The following DIAPH3 variants were observed in gnomAD, a reference collection of about 807,000 sequenced individuals.
DIAPH3 encodes the protein diaphanous related formin 3, also known as protein diaphanous homolog 3.
Under a neutral mutation model 144.3 loss-of-function variants are expected in DIAPH3, and 117 were observed. The observed-to-expected ratio is 0.81, with a 90% CI of 0.70 to 0.95. DIAPH3 has a LOEUF of 0.95. Among genes scored for constraint, DIAPH3 ranks in the 40% least tolerant of loss-of-function variants. The pLI is 0.00. For synonymous variants in DIAPH3, 519 were observed against 488.9 expected, an observed-to-expected ratio of 1.06 and a Z score of -0.81; for missense variants, 1,421 against 1,412.7, an observed-to-expected ratio of 1.01 and a Z score of -0.09.
intron 27 of DIAPH3, among the ~76,000 whole-genome samples, chr13:59,692,612 T>A (rs1046670176): frequency 1.3e-5 from 2 of 152,112 alleles, no homozygotes; most frequent in African/African-American, 4.8e-5. Context: ...AGGCCCAGAA[T>A]GGTCAAAAGA....
At chr13:59,733,316 C>T (rs567309525) in intron 27 of DIAPH3, among the ~76,000 whole-genome samples, 1 of 152,154 alleles carries the variant, frequency 6.6e-6, no homozygotes, top group Admixed American at 6.5e-5. Flanking sequence ...CATTTCTTTT[C>T]CTCAAAACAA....
At chr13:60,150,058 G>T (rs1951713758) in intron 1 of DIAPH3, among the ~76,000 whole-genome samples, 1 of 152,166 alleles carries the variant, frequency 6.6e-6, no homozygotes, top group Non-Finnish European at 1.5e-5. Flanking sequence ...ATCCCGCTCT[G>T]TTTCCCAGAC....
intron 20 of DIAPH3, among the ~76,000 whole-genome samples, chr13:59,909,246 C>T (rs1333997983): frequency 3.3e-5 from 5 of 151,850 alleles, no homozygotes; most frequent in Non-Finnish European, 5.9e-5. Flanking sequence ...GAAAACACAT[C>T]ATTCTTTAGT....
chr13:59,994,161 A>C (rs928361237), intron 9 of DIAPH3, among the ~76,000 whole-genome samples: 4 of 152,010 alleles, frequency 2.6e-5, no homozygotes, highest in Non-Finnish European at 5.9e-5. Flanking sequence ...AATTGAAATA[A>C]TGAATTCAAG....
rs191143274 is a variant in DIAPH3, at chr13:59,958,424, C to T, written c.2074+11520G>A. ...AAGATAAGGAAACTTAGTTTATCAACAGGCAATGTAGACATTGTTATCTTT... is the reference window on the plus strand; with the variant it reads ...AAGATAAGGAAACTTAGTTTATCAATAGGCAATGTAGACATTGTTATCTTT... On this transcript the variant is annotated intron_variant, in intron 17 of 27. Coordinates refer to ENST00000400324, the MANE Select transcript of DIAPH3 (RefSeq NM_001042517.2). Among the ~76,000 whole-genome samples the T allele has an allele frequency of 6.6e-5, 10 of 152,136 alleles. No homozygotes were observed. The East Asian group carries it at 1.7e-3, about 26-fold the overall frequency.
intron 21 of DIAPH3, among the ~76,000 whole-genome samples, chr13:59,875,167 C>T (rs1371748083): frequency 2.0e-5 from 3 of 152,036 alleles, no homozygotes; most frequent in East Asian, 1.9e-4. Flanking sequence ...TACCATCTGC[C>T]GATTTAATTT....
At chr13:59,963,903 GGA>G (rs2049910928) in intron 17 of DIAPH3, among the ~76,000 whole-genome samples, 1 of 152,238 alleles carries the variant, frequency 6.6e-6, no homozygotes, top group South Asian at 2.1e-4. Context: ...GCATTCAGAA[GGA>G]TAAGCCTCAT....
chr13:60,068,191 CT>C (rs1321382289), intron 4 of DIAPH3, among the ~76,000 whole-genome samples: 1 of 152,182 alleles, frequency 6.6e-6, no homozygotes, highest in Non-Finnish European at 1.5e-5. Context: ...ATGTGCTCAT[CT>C]ATTGGTGCTT....
intron 22 of DIAPH3, among the ~76,000 whole-genome samples, chr13:59,852,469 C>T (rs910792917): frequency 1.1e-4 from 17 of 152,142 alleles, no homozygotes; most frequent in Non-Finnish European, 2.4e-4. Context: ...CAGTTGTTTT[C>T]AAAGGTTGTT....
chr13:59,891,036 G>T (rs983832652), intron 20 of DIAPH3, among the ~76,000 whole-genome samples: 1 of 151,950 alleles, frequency 6.6e-6, no homozygotes, highest in Non-Finnish European at 1.5e-5. Flanking sequence ...TCTAACTTCA[G>T]TGATTTAGTT....
In DIAPH3 at chr13:59,971,030, G is replaced by C. The variant is rs766301262; in HGVS notation, c.1781C>G (p.Pro594Arg). Reference protein sequence around the residue: ...GGGVPPPPPPPPPPPLPGMRM... With the variant: ...GGGVPPPPPPRPPPPLPGMRM... ...CATTCCTGGAAGTGGAGGAGGTGGT[G>C]GGGGAGGAGGTGGAGGCGGCACCCC... is the stretch of plus-strand genomic sequence containing the variant. Residue 594 changes from proline (P) to arginine (R), a missense_variant, in exon 16 of 28, where the codon CCA becomes CGA. Pro to Arg is a moderately radical substitution (Grantham distance 103). Coordinates refer to ENST00000400324, the MANE Select transcript of DIAPH3 (RefSeq NM_001042517.2). 13 of 1,613,450 alleles carry C rather than the reference G, an allele frequency of 8.1e-6. No individual in the cohort carries two copies. In the East Asian group the frequency reaches 1.8e-4, roughly 22 times the overall value.
intron 3 of DIAPH3, among the ~76,000 whole-genome samples, chr13:60,098,015 G>C (rs756028419): frequency 2.0e-5 from 3 of 152,048 alleles, no homozygotes; most frequent in African/African-American, 7.2e-5. Flanking sequence ...ATTTTATGTT[G>C]CAATTCCAGA....
At chr13:59,937,737 C>T (rs75249930) in intron 17 of DIAPH3, among the ~76,000 whole-genome samples, 2,169 of 152,146 alleles carry the variant, frequency 0.014, 73 homozygotes, top group East Asian at 0.11. Context: ...TAGAATTTTA[C>T]AATAAACTTA....
intron 27 of DIAPH3, among the ~76,000 whole-genome samples, chr13:59,773,652 CAG>C (rs1044460717): frequency 5.1e-4 from 78 of 152,274 alleles, no homozygotes; most frequent in African/African-American, 1.9e-3. Context: ...AGATTTTTGA[CAG>C]GAGTCCATCT....
chr13:59,705,662 T>C (rs78600375), intron 27 of DIAPH3, among the ~76,000 whole-genome samples: 6,683 of 152,332 alleles, frequency 0.044, 226 homozygotes, highest in South Asian at 0.1. Context: ...TAGTGTTTTC[T>C]TTCATTATTT....
chr13:60,064,923 T>C (rs534515912), intron 4 of DIAPH3, among the ~76,000 whole-genome samples: 13 of 152,232 alleles, frequency 8.5e-5, no homozygotes, highest in African/African-American at 2.4e-4. Flanking sequence ...AATTTTAACA[T>C]TGCTGTGCTT....
intron 25 of DIAPH3, among the ~76,000 whole-genome samples, chr13:59,785,115 G>A (rs907898837): frequency 1.1e-4 from 17 of 152,274 alleles, no homozygotes; most frequent in Non-Finnish European, 2.2e-4. Context: ...TTAGAAAGCC[G>A]ATTTTCATTG....
chr13:60,157,013 C>T lies in DIAPH3; in HGVS notation c.180+6574G>A, dbSNP rs536409544. On this transcript the variant is annotated intron_variant, in intron 1 of 27. Coordinates refer to ENST00000400324, the MANE Select transcript of DIAPH3 (RefSeq NM_001042517.2). ...AGGCTGGAGTGCAGTGGCACAATCT[C>T]GTCTCACTGCAACCTTTGCCTCCCA... 1.3e-4 allele frequency among the ~76,000 whole-genome samples: 19 copies of T among 146,402 alleles called. No homozygotes were observed. The East Asian group carries it at 2.8e-3, about 21-fold the overall frequency.
chr13:59,871,312 C>T (rs1456623234), intron 21 of DIAPH3, among the ~76,000 whole-genome samples: 1 of 151,992 alleles, frequency 6.6e-6, no homozygotes, highest in East Asian at 1.9e-4. Context: ...CTGTACTAGC[C>T]AGGACTTCCA....
Sources: gnomAD v4.1 joint callset for allele counts (sites outside exome capture counted in the v4.1 genomes callset) on GRCh38, gnomAD v4.1.1 for gene constraint, MANE v1.5 for transcripts, NCBI Gene and HGNC (gene_info 2026-07-23, HGNC 2026-07-21) for gene names.